DLG2: variants seen among roughly 807,000 people sequenced by gnomAD.
DLG2 encodes discs large MAGUK scaffold protein 2, also known as disks large homolog 2.
A neutral mutation model predicts 132.5 loss-of-function variants in DLG2; 45 were observed. That is an observed-to-expected ratio of 0.34 (90% CI 0.27 to 0.44). DLG2 has a LOEUF of 0.44. Among genes scored for constraint, DLG2 ranks in the 20% least tolerant of loss-of-function variants. The pLI is 1.00. For synonymous variants in DLG2, 424 were observed against 419.6 expected (o/e 1.01, Z -0.13); for missense variants, 1,045 against 1,196.9 (o/e 0.87, Z 1.87).
intron 19 of DLG2, among the ~76,000 whole-genome samples, chr11:83,571,920 A>G (rs2096803158): frequency 6.6e-6 from 1 of 152,102 alleles, no homozygotes; most frequent in Non-Finnish European, 1.5e-5. Context: ...TAAAGTATAT[A>G]TAATAATATG....
intron 2 of DLG2, among the ~76,000 whole-genome samples, chr11:85,607,048 A>AC (rs1220775734): frequency 6.6e-6 from 1 of 152,200 alleles, no homozygotes; most frequent in Non-Finnish European, 1.5e-5. Flanking sequence ...CCATGAAGGG[A>AC]CCATCACCTT....
At chr11:84,137,351 A>G (rs11233921) in intron 9 of DLG2, among the ~76,000 whole-genome samples, 2 of 152,064 alleles carry the variant, frequency 1.3e-5, no homozygotes, top group Admixed American at 6.6e-5. Context: ...AAATAGCCCC[A>G]TGTATTCACA....
intron 7 of DLG2, among the ~76,000 whole-genome samples, chr11:84,466,079 TA>T (rs1433510138): frequency 4.6e-5 from 7 of 151,218 alleles, no homozygotes; most frequent in African/African-American, 1.2e-4. Flanking sequence ...AAATCAGTTA[TA>T]AAAAAAGGAA....
intron 6 of DLG2, among the ~76,000 whole-genome samples, chr11:84,832,941 G>A (rs1012573900): frequency 6.6e-6 from 1 of 151,506 alleles, no homozygotes; most frequent in South Asian, 2.1e-4. Context: ...ATCTGTGCCA[G>A]GGTATATCAC....
At position 83,861,979 on chromosome 11, in the gene DLG2, T is replaced by C. The variant is rs529788161; in HGVS notation, c.1565+12441A>G. On this transcript the variant is annotated intron_variant, in intron 16 of 27. Transcript: ENST00000376104. ...TGCATCCTTGTATCAAAACATCTCATGTACCCCATAAATATATACACTTAT... is the reference window on the plus strand; with the variant it reads ...TGCATCCTTGTATCAAAACATCTCACGTACCCCATAAATATATACACTTAT... Among the ~76,000 whole-genome samples the C allele has an allele frequency of 1.3e-4, 20 of 152,308 alleles. No homozygotes were observed. In the Middle Eastern group the frequency reaches 0.017, roughly 130 times the overall value.
intron 17 of DLG2, 60 bp downstream of exon 17, chr11:83,833,554 T>G (rs1166720663): frequency 1.7e-5 from 25 of 1,505,868 alleles, no homozygotes; most frequent in Non-Finnish European, 2.2e-5. Context: ...TTGAAAGTTA[T>G]GACTTTTTCA....
intron 4 of DLG2, among the ~76,000 whole-genome samples, chr11:85,231,945 C>T (rs1026210091): frequency 2.0e-5 from 3 of 151,798 alleles, no homozygotes; most frequent in Non-Finnish European, 4.4e-5. Context: ...CCTGCACTCA[C>T]GCATCTTATT....
At chr11:84,228,463 A>G (rs1466686866) in intron 8 of DLG2, among the ~76,000 whole-genome samples, 1 of 152,178 alleles carries the variant, frequency 6.6e-6, no homozygotes, top group Non-Finnish European at 1.5e-5. Context: ...TGTATTGCCA[A>G]TTTATATGTA....
At chr11:85,589,898 T>C (rs979403937) in intron 3 of DLG2, among the ~76,000 whole-genome samples, 22 of 152,126 alleles carry the variant, frequency 1.4e-4, no homozygotes, top group Non-Finnish European at 2.4e-4. Context: ...AGAGAGTTTG[T>C]GCCCAGTCAA....
intron 6 of DLG2, among the ~76,000 whole-genome samples, chr11:84,721,099 G>T (rs973988440): frequency 6.6e-6 from 1 of 151,976 alleles, no homozygotes; most frequent in Non-Finnish European, 1.5e-5. Flanking sequence ...GGCCCCCACC[G>T]CTACAGCCAC....
At chr11:85,142,535 C>G (rs1313849365) in intron 5 of DLG2, among the ~76,000 whole-genome samples, 1 of 151,710 alleles carries the variant, frequency 6.6e-6, no homozygotes, top group African/African-American at 2.4e-5. Context: ...TTCTTTCATT[C>G]CAATTTGGAT....
chr11:85,244,044 G>A (rs2076019618), intron 4 of DLG2, among the ~76,000 whole-genome samples: 2 of 151,942 alleles, frequency 1.3e-5, no homozygotes, highest in South Asian at 4.1e-4. Context: ...GTTACATATT[G>A]AGTGTTCCCA....
At chr11:84,371,847 T>G (rs975152395) in intron 7 of DLG2, among the ~76,000 whole-genome samples, 2 of 152,162 alleles carry the variant, frequency 1.3e-5, no homozygotes, top group Non-Finnish European at 2.9e-5. Flanking sequence ...GAAGATTTAT[T>G]TCATTTCCTC....
chr11:83,468,754 C>T (rs999790034), intron 25 of DLG2, among the ~76,000 whole-genome samples: 1 of 152,156 alleles, frequency 6.6e-6, no homozygotes, highest in Admixed American at 6.5e-5. Flanking sequence ...TCTACACCTC[C>T]TCTAAGCTAG....
At chr11:84,125,960 C>G (rs914367414) in intron 9 of DLG2, among the ~76,000 whole-genome samples, 5 of 152,102 alleles carry the variant, frequency 3.3e-5, no homozygotes, top group Non-Finnish European at 7.4e-5. Flanking sequence ...ATTCTAAAAT[C>G]AAGTTTTTTC....
intron 4 of DLG2, among the ~76,000 whole-genome samples, chr11:85,261,619 G>C (rs556802031): frequency 6.6e-6 from 1 of 152,206 alleles, no homozygotes; most frequent in Non-Finnish European, 1.5e-5. Flanking sequence ...GGTAAAACTG[G>C]GGTATAGCAG....
chr11:85,583,102 G>A lies in DLG2; in HGVS notation c.40+15555C>T, dbSNP rs868014276. 5.3e-4 allele frequency among the ~76,000 whole-genome samples: 24 copies of A among 44,888 alleles called. 1 individual carries two copies. Among genetic ancestry groups the A allele is most frequent in the African/African-American group, 1.7e-3 (20 of 11,816 alleles). The allele number at this position is 44,888 out of a possible 152,430, so 29.4% of individuals were successfully genotyped here. On this transcript the variant is annotated intron_variant, in intron 3 of 27. Coordinates refer to ENST00000376104, the MANE Select transcript of DLG2 (RefSeq NM_001142699.3). ...TAATATATGTGATGTGTGTGTGTGT[G>A]TGTGTGTGTGTGTGTGTGTGTGTGT...
chr11:85,516,034 T>C (rs2094162504), intron 3 of DLG2, among the ~76,000 whole-genome samples: 1 of 152,010 alleles, frequency 6.6e-6, no homozygotes, highest in South Asian at 2.1e-4. Flanking sequence ...CATTCTATTT[T>C]CCATTTACTT....
chr11:85,069,240 G>A (rs1290806582), intron 6 of DLG2, among the ~76,000 whole-genome samples: 2 of 152,080 alleles, frequency 1.3e-5, no homozygotes, highest in Non-Finnish European at 2.9e-5. Flanking sequence ...ACATAGGCAT[G>A]GGCAAGGACT....
Sources: gnomAD v4.1 joint callset for allele counts (sites outside exome capture counted in the v4.1 genomes callset) on GRCh38, gnomAD v4.1.1 for gene constraint, MANE v1.5 for transcripts, NCBI Gene and HGNC (gene_info 2026-07-23, HGNC 2026-07-21) for gene names.